Variants in ADAM10 observed in about 807,000 individuals in gnomAD.
ADAM10 encodes the protein disintegrin and metalloproteinase domain-containing protein 10.
A neutral mutation model predicts 90.1 loss-of-function variants in ADAM10; 17 were observed. The observed-to-expected ratio is 0.19, with a 90% CI of 0.13 to 0.28. The LOEUF is 0.28. Ranked by LOEUF, ADAM10 falls within the 10% of genes least tolerant of loss-of-function variation. The pLI is 1.00. For missense variants in ADAM10, 610 were observed against 914.3 expected (o/e 0.67, Z 4.29); for synonymous variants, 310 against 298.6 (o/e 1.04, Z -0.40).
chr15:58,606,980 T>C (rs1031059012), intron 14 of ADAM10, among the ~76,000 whole-genome samples: 3 of 152,258 alleles, frequency 2.0e-5, no homozygotes, highest in African/African-American at 7.2e-5. Context: ...GGTGTGGCCA[T>C]GTTCCTATAA....
chr15:58,660,209 A>C (rs903604048), intron 5 of ADAM10, among the ~76,000 whole-genome samples: 2 of 151,340 alleles, frequency 1.3e-5, no homozygotes, highest in Admixed American at 1.3e-4. Context: ...ATTTTTTTTT[A>C]AATAGGGTCT....
chr15:58,747,236 T>A (rs1369776146), intron 1 of ADAM10: 3 of 152,186 alleles, frequency 2.0e-5, no homozygotes, highest in Non-Finnish European at 4.4e-5. Context: ...ATGGACACCA[T>A]TAGGAAAGTT....
At position 58,624,399 on chromosome 15, in the gene ADAM10, G is replaced by A. The variant is rs535804189; in HGVS notation, c.1361-2778C>T. Among the ~76,000 whole-genome samples the A allele has an allele frequency of 3.0e-4, 45 of 152,194 alleles. 1 individual carries two copies. The highest frequency in any genetic ancestry group is 3.4e-3 in the Middle Eastern group (1 of 294). ...AATAATTTTATAATTCACATGACAC[G>A]TAATTTATAAGAAAACAAATAACGA... On this transcript the variant is annotated intron_variant, in intron 10 of 15. Transcript: ENST00000260408.
intron 1 of ADAM10, among the ~76,000 whole-genome samples, chr15:58,742,785 C>CA (rs1899657306): frequency 6.6e-6 from 1 of 152,134 alleles, no homozygotes; most frequent in Non-Finnish European, 1.5e-5. Context: ...TCAGAACAAG[C>CA]AGAGTTTTTA....
intron 8 of ADAM10, 30 bp from the exon 9 acceptor site, chr15:58,633,389 A>G (rs201096465): frequency 1.0e-5 from 16 of 1,598,664 alleles, no homozygotes; most frequent in Non-Finnish European, 1.3e-5. Flanking sequence ...TGGCTAAATT[A>G]GTATCTGTTT....
chr15:58,708,486 A>C (rs900709541), intron 2 of ADAM10, among the ~76,000 whole-genome samples: 5 of 152,130 alleles, frequency 3.3e-5, no homozygotes, highest in Non-Finnish European at 7.4e-5. Context: ...ACACAGCAAG[A>C]AGCCCTATCT....
intron 1 of ADAM10, among the ~76,000 whole-genome samples, chr15:58,741,882 T>C (rs1354982102): frequency 6.6e-6 from 1 of 152,132 alleles, no homozygotes; most frequent in Non-Finnish European, 1.5e-5. Context: ...GTCCTGATTA[T>C]CATGGCCCAG....
At chr15:58,731,527 C>G (rs1418089406) in intron 1 of ADAM10, among the ~76,000 whole-genome samples, 1 of 152,130 alleles carries the variant, frequency 6.6e-6, no homozygotes, top group African/African-American at 2.4e-5. Context: ...GCTCAAGAGG[C>G]TGAGGTGGGA....
chr15:58,686,630 A>G (rs1260240160), intron 2 of ADAM10: 2 of 848,170 alleles, frequency 2.4e-6, no homozygotes, highest in African/African-American at 3.3e-5. Context: ...ACTCTAAGAG[A>G]GAAGTTTGCT....
At chr15:58,598,114 TG>T (rs1404859105) in intron 15 of ADAM10, among the ~76,000 whole-genome samples, 2 of 152,196 alleles carry the variant, frequency 1.3e-5, no homozygotes, top group Non-Finnish European at 2.9e-5. Context: ...GAGACTCAGA[TG>T]CCTACACTGT....
chr15:58,705,893 T>A (rs923041549), intron 2 of ADAM10, among the ~76,000 whole-genome samples: 1 of 152,182 alleles, frequency 6.6e-6, no homozygotes, highest in Non-Finnish European at 1.5e-5. Context: ...CTTTTGTTAT[T>A]TGTTATTGTT....
intron 5 of ADAM10, among the ~76,000 whole-genome samples, chr15:58,652,637 A>G (rs1896718298): frequency 6.6e-6 from 1 of 152,150 alleles, no homozygotes; most frequent in African/African-American, 2.4e-5. Flanking sequence ...TGGTTACTAT[A>G]GCGCTACAGT....
chr15:58,726,624 G>A (rs1202513463), intron 1 of ADAM10, among the ~76,000 whole-genome samples: 1 of 135,902 alleles, frequency 7.4e-6, no homozygotes, highest in African/African-American at 2.8e-5. Flanking sequence ...CAAGAAAAGA[G>A]GGGGACAAGA....
At chr15:58,640,290 C>A (rs369568183) in intron 8 of ADAM10, among the ~76,000 whole-genome samples, 1 of 152,186 alleles carries the variant, frequency 6.6e-6, no homozygotes, top group East Asian at 1.9e-4. Flanking sequence ...AAAATAAAGG[C>A]TAGAAATAAA....
chr15:58,706,792 C>T (rs1327950262), intron 2 of ADAM10, among the ~76,000 whole-genome samples: 1 of 151,948 alleles, frequency 6.6e-6, no homozygotes, highest in African/African-American at 2.4e-5. Context: ...AGGTGGATCA[C>T]GAGGTCAAGA....
chr15:58,667,558 A>C (rs570051301), intron 4 of ADAM10, among the ~76,000 whole-genome samples: 59 of 152,218 alleles, frequency 3.9e-4, no homozygotes, highest in African/African-American at 1.3e-3. Context: ...TGAATCACCA[A>C]AGCCAATTTT....
chr15:58,745,071 T>C (rs1899746887), intron 1 of ADAM10, among the ~76,000 whole-genome samples: 1 of 152,178 alleles, frequency 6.6e-6, no homozygotes, highest in African/African-American at 2.4e-5. Context: ...TAGTCCTAGC[T>C]ACTCTGGAGG....
At chr15:58,686,764 G>T in intron 2 of ADAM10, 2 of 571,492 alleles carry the variant, frequency 3.5e-6, no homozygotes, top group East Asian at 2.8e-5. Flanking sequence ...CAAAATCACA[G>T]AAATTCATGA....
At chr15:58,697,094 A>G (rs1255465128) in intron 2 of ADAM10, among the ~76,000 whole-genome samples, 1 of 152,120 alleles carries the variant, frequency 6.6e-6, no homozygotes, top group Non-Finnish European at 1.5e-5. Flanking sequence ...ATGTGCCCCA[A>G]GGAGGCCTAA....
Sources: allele counts gnomAD v4.1 joint callset (sites outside exome capture counted in the v4.1 genomes callset), GRCh38; gene constraint gnomAD v4.1.1; transcripts MANE v1.5; gene names NCBI Gene and HGNC (gene_info 2026-07-23, HGNC 2026-07-21).